ADAMTS2: variants seen among roughly 807,000 people sequenced by gnomAD.
ADAMTS2 encodes the protein A disintegrin and metalloproteinase with thrombospondin motifs 2.
Under a neutral mutation model 123.0 loss-of-function variants are expected in ADAMTS2, and 50 were observed. The observed-to-expected ratio is 0.41, with a 90% CI of 0.32 to 0.51. ADAMTS2 has a LOEUF of 0.51. Among genes scored for constraint, ADAMTS2 ranks in the 20% least tolerant of loss-of-function variants. The pLI, the probability that ADAMTS2 is intolerant of heterozygous loss-of-function variation, is 0.35. For missense variants in ADAMTS2, 1,494 were observed against 1,705.2 expected (o/e 0.88, Z 2.18); for synonymous variants, 678 against 695.4 (o/e 0.98, Z 0.39).
In ADAMTS2 at chr5:179,173,409, G is replaced by A. The variant is rs1179585667; in HGVS notation, c.975+7663C>T. On this transcript the variant is annotated intron_variant, in intron 5 of 21. Transcript: ENST00000251582. ...TTTGTACACCAAATTGAGATCATAC[G>A]GAAAACTGAGATCCTGCTTTTCAAA... is the stretch of plus-strand genomic sequence containing the variant. Among the ~76,000 whole-genome samples the A allele has an allele frequency of 3.3e-5, 5 of 151,950 alleles. No homozygotes were observed. The East Asian group carries it at 9.6e-4, about 29-fold the overall frequency.
intron 3 of ADAMTS2, among the ~76,000 whole-genome samples, chr5:179,246,740 T>C (rs2113461727): frequency 6.6e-6 from 1 of 152,182 alleles, no homozygotes; most frequent in South Asian, 2.1e-4. Context: ...ACGAGGAGAG[T>C]ATTTCTTCCT....
chr5:179,265,804 G>A (rs894530975), intron 3 of ADAMTS2, among the ~76,000 whole-genome samples: 6 of 152,240 alleles, frequency 3.9e-5, no homozygotes, highest in South Asian at 2.1e-4. Context: ...TGCCAAGGGT[G>A]CGCTCAGCCC....
At chr5:179,341,328 C>T in intron 2 of ADAMTS2, 2 of 377,270 alleles carry the variant, frequency 5.3e-6, no homozygotes, top group South Asian at 1.9e-5. Flanking sequence ...TTGAGACCAG[C>T]CTGATCAAAA....
chr5:179,344,002 C>G lies in ADAMTS2; in HGVS notation c.299G>C (p.Gly100Ala). ...GTGACTGCCAGGCTCCTCCTCGTTG[C>G]CTCCGGGGAAGCTCGGGGTCCGGAC... Reference protein sequence around the residue: ...APVRTPSFPGGNEEEPGSHLF... With the variant: ...APVRTPSFPGANEEEPGSHLF... Residue 100 changes from glycine to alanine, a missense_variant, in exon 2 of 22, where the codon GGC (glycine) becomes GCC (alanine). Coordinates refer to ENST00000251582, the MANE Select transcript of ADAMTS2 (RefSeq NM_014244.5). The G allele has an allele frequency of 6.2e-7, 1 of 1,612,730 alleles. No individual in the cohort carries two copies. The highest frequency in any genetic ancestry group is 8.5e-7 in the Non-Finnish European group (1 of 1,179,876).
In ADAMTS2 at chr5:179,272,578, C is replaced by T. The variant is rs892700446; in HGVS notation, c.688+333G>A. 2.0e-5 allele frequency among the ~76,000 whole-genome samples: 3 copies of T among 152,122 alleles called. No homozygotes were observed. The highest frequency in any genetic ancestry group is 6.5e-5 in the Admixed American group (1 of 15,276). Reference sequence around the variant, plus strand: ...CTCAGGCCTGGCCGGGGGCCCCCGCCCCGCTCCACGACACTTGCTTGCCTT... The same window carrying T: ...CTCAGGCCTGGCCGGGGGCCCCCGCTCCGCTCCACGACACTTGCTTGCCTT... On this transcript the variant is annotated intron_variant, in intron 3 of 21. Coordinates refer to ENST00000251582, the MANE Select transcript of ADAMTS2 (RefSeq NM_014244.5). The surrounding 1 kb of genome is among the most constrained non-coding windows in gnomAD (Gnocchi z 5.8).
intron 4 of ADAMTS2, among the ~76,000 whole-genome samples, chr5:179,201,692 C>A (rs1456169687): frequency 6.7e-6 from 1 of 150,026 alleles, no homozygotes; most frequent in African/African-American, 2.5e-5. Context: ...ATCCCAGCTA[C>A]TCAGGAGGCT....
In ADAMTS2 at chr5:179,154,796, C is replaced by T. The variant is rs2278222; in HGVS notation, c.1238+18G>A. On this transcript the variant is annotated intron_variant, in intron 7 of 21. Transcript: ENST00000251582. ...TAGGGTGGCCCCTCTGTGCCCCACC[C>T]TTCCCCAGGCCACTTACACGTGGCC... 0.24 allele frequency: 387,582 copies of T among 1,592,444 alleles called. 49,628 individuals are homozygous for T. Among genetic ancestry groups the T allele is most frequent in the East Asian group, 0.37 (16,455 of 44,202 alleles).
At chr5:179,315,238 C>CTGGCTTCTGGAAAGCACTGATGCCACAGT (rs1756956174) in intron 2 of ADAMTS2, among the ~76,000 whole-genome samples, 1 of 46,990 alleles carries the variant, frequency 2.1e-5, no homozygotes, top group Admixed American at 3.0e-4. Flanking sequence ...ATTAAATACC[C>CTGGCTTCTGGAAAGCACTGATGCCACAGT]TGGCTTCTGG....
chr5:179,157,825 G>A lies in ADAMTS2; in HGVS notation c.1132+898C>T, dbSNP rs114046978. On this transcript the variant is annotated intron_variant, in intron 6 of 21. Coordinates refer to ENST00000251582, the MANE Select transcript of ADAMTS2 (RefSeq NM_014244.5). ...ATTATCCTTATTATGATTTGTAGGCGTTCTTCACATACTTCAGATATAAAT... is the reference window on the plus strand; with the variant it reads ...ATTATCCTTATTATGATTTGTAGGCATTCTTCACATACTTCAGATATAAAT... 9.5e-3 allele frequency among the ~76,000 whole-genome samples: 1,439 copies of A among 152,212 alleles called. 25 individuals are homozygous for A. The highest frequency in any genetic ancestry group is 0.032 in the African/African-American group (1,309 of 41,508).
At chr5:179,164,104 T>C (rs1763652138) in intron 5 of ADAMTS2, among the ~76,000 whole-genome samples, 1 of 152,202 alleles carries the variant, frequency 6.6e-6, no homozygotes, top group Non-Finnish European at 1.5e-5. Context: ...GGACTCAACC[T>C]GCCACTGGGA....
At chr5:179,239,938 A>G (rs1765623253) in intron 3 of ADAMTS2, among the ~76,000 whole-genome samples, 1 of 152,172 alleles carries the variant, frequency 6.6e-6, no homozygotes, top group Non-Finnish European at 1.5e-5. Flanking sequence ...CAGCAGCATG[A>G]TGACCTCGGG....
chr5:179,190,784 T>C (rs1764286874), intron 4 of ADAMTS2, among the ~76,000 whole-genome samples: 1 of 152,272 alleles, frequency 6.6e-6, no homozygotes, highest in Non-Finnish European at 1.5e-5. Flanking sequence ...GCTGTTTCCC[T>C]GGGACCCCAT....
intron 20 of ADAMTS2, 97 bp from the exon 21 acceptor site, chr5:179,121,847 C>T: frequency 3.6e-6 from 3 of 837,928 alleles, no homozygotes; most frequent in Admixed American, 5.4e-5. Flanking sequence ...CCTGGGGAAG[C>T]GTCATTCAAG....
intron 5 of ADAMTS2, among the ~76,000 whole-genome samples, chr5:179,165,921 C>T (rs1013373166): frequency 2.6e-5 from 4 of 152,104 alleles, no homozygotes; most frequent in South Asian, 2.1e-4. Context: ...GCTCAGAGCA[C>T]GGGAACAGAT....
chr5:179,344,241 C>T (rs1250193407), intron 1 of ADAMTS2, 80 bp from the exon 2 acceptor site: 3 of 1,498,930 alleles, frequency 2.0e-6, no homozygotes, highest in East Asian at 4.9e-5. Context: ...GCCACGCCCC[C>T]CCAGACCCCG....
At chr5:179,174,059 G>A (rs1283132570) in intron 5 of ADAMTS2, among the ~76,000 whole-genome samples, 1 of 151,468 alleles carries the variant, frequency 6.6e-6, no homozygotes, top group African/African-American at 2.4e-5. Flanking sequence ...TTTAAGGGCA[G>A]TGATAAATAT....
Position 179,202,960 on chromosome 5 carries a change from G to T in ADAMTS2, c.891+4553C>A, listed in dbSNP as rs975301793. On this transcript the variant is annotated intron_variant, in intron 4 of 21. Coordinates refer to ENST00000251582, the MANE Select transcript of ADAMTS2 (RefSeq NM_014244.5). This position sits in a 1 kb window ranked among gnomAD's most constrained non-coding sequence, Gnocchi z 4.0. ...CAGCTACAAGGGAGACTGGGGAGGG[G>T]AGCACAGGGGTGATCGATGAGGCTG... Among the ~76,000 whole-genome samples, 1 of 152,230 alleles carries T rather than the reference G, an allele frequency of 6.6e-6. No homozygotes were observed. The highest frequency in any genetic ancestry group is 1.5e-5 in the Non-Finnish European group (1 of 68,040).
rs991938285 is a variant in ADAMTS2, at chr5:179,330,976, C to A, written c.534+12791G>T. ...TGTACAGGTGGGGAGTTATCTGTAC[C>A]TCTGAGGAGGTACAGATTTCATCTG... On this transcript the variant is annotated intron_variant, in intron 2 of 21. Coordinates refer to ENST00000251582, the MANE Select transcript of ADAMTS2 (RefSeq NM_014244.5). Among the ~76,000 whole-genome samples the A allele has an allele frequency of 4.6e-5, 7 of 152,108 alleles. 1 individual carries two copies. The highest frequency in any genetic ancestry group is 2.6e-4 in the Admixed American group (4 of 15,274).
At chr5:179,280,110 C>T (rs975262034) in intron 2 of ADAMTS2, among the ~76,000 whole-genome samples, 1 of 152,198 alleles carries the variant, frequency 6.6e-6, no homozygotes, top group African/African-American at 2.4e-5. Context: ...TCCACAGAAC[C>T]TGATGACTTT....
Sources: gnomAD v4.1 joint callset for allele counts (sites outside exome capture counted in the v4.1 genomes callset) on GRCh38, gnomAD v4.1.1 for gene constraint, Gnocchi (gnomAD v3.1) non-coding constraint, MANE v1.5 for transcripts, NCBI Gene and HGNC (gene_info 2026-07-23, HGNC 2026-07-21) for gene names.